KLHL4: variants seen among roughly 807,000 people sequenced by gnomAD.
KLHL4 encodes kelch like family member 4.
KLHL4 carries 17 observed loss-of-function variants against 45.8 expected under a neutral mutation model. That is an observed-to-expected ratio of 0.37 (90% CI 0.25 to 0.56). The LOEUF (loss-of-function observed/expected upper bound fraction) is 0.56, where lower values mean the gene tolerates loss of function less well. KLHL4 is among the 20% of genes least tolerant of loss of function. The pLI, the probability that KLHL4 is intolerant of heterozygous loss-of-function variation, is 0.79. For missense variants in KLHL4, 544 were observed against 544.9 expected (o/e 1.00, Z 0.02); for synonymous variants, 224 against 189.9 (o/e 1.18, Z -1.47).
At chrX:87,576,862 T>C (rs1008101089) in intron 1 of KLHL4, among the ~76,000 whole-genome samples, 3 of 111,726 alleles carry the variant, frequency 2.7e-5, no homozygotes, top group African/African-American at 6.5e-5. Context: ...ACTTACCAAA[T>C]ATATAGAAAA....
chrX:87,627,962 A>G (rs115305841), intron 6 of KLHL4, among the ~76,000 whole-genome samples: 1 of 111,491 alleles, frequency 9.0e-6, no homozygotes, highest in Non-Finnish European at 1.9e-5. Context: ...ATCAGTCTCT[A>G]AAAATGAGTG....
intron 1 of KLHL4, among the ~76,000 whole-genome samples, chrX:87,612,643 A>G (rs935317605): frequency 8.9e-6 from 1 of 112,056 alleles, no homozygotes; most frequent in Non-Finnish European, 1.9e-5. Context: ...ATTTTACGCT[A>G]TAATCACATG....
chrX:87,541,672 C>T (rs1931563514), intron 1 of KLHL4, among the ~76,000 whole-genome samples: 2 of 110,503 alleles, frequency 1.8e-5, no homozygotes, highest in Admixed American at 1.9e-4. Context: ...TATGAATTAC[C>T]CAGTCTCTGA....
chrX:87,638,895 A>G (rs371061730), intron 9 of KLHL4, among the ~76,000 whole-genome samples: 31 of 111,903 alleles, frequency 2.8e-4, no homozygotes, highest in African/African-American at 9.4e-4. Context: ...TAAAAGATGT[A>G]GAATGGCAAA....
At position 87,560,901 on chromosome X, in the gene KLHL4, G is replaced by A. The variant is rs759148869; in HGVS notation, c.422+42586G>A. Among the ~76,000 whole-genome samples the A allele has an allele frequency of 1.1e-4, 12 of 111,623 alleles. No individual in the cohort carries two copies. The East Asian group carries it at 2.3e-3, about 21-fold the overall frequency. On this transcript the variant is annotated intron_variant, in intron 1 of 10. Transcript: ENST00000373119. Reference sequence around the variant, plus strand: ...TTGTAAATAGTGCTACAATAAACATGTAAGTGCTGATATTCCTTTAAAAGC... The same window carrying A: ...TTGTAAATAGTGCTACAATAAACATATAAGTGCTGATATTCCTTTAAAAGC...
chrX:87,665,148 C>A (rs1007284247), intron 10 of KLHL4, among the ~76,000 whole-genome samples: 1 of 111,071 alleles, frequency 9.0e-6, no homozygotes. Context: ...GACCCATCAA[C>A]TTATAACCCA....
At chrX:87,657,814 AT>A (rs894818469) in intron 9 of KLHL4, among the ~76,000 whole-genome samples, 6 of 111,688 alleles carry the variant, frequency 5.4e-5, no homozygotes, top group African/African-American at 2.0e-4. Flanking sequence ...ATGGGGTAAA[AT>A]TTTGATGGGG....
intron 1 of KLHL4, among the ~76,000 whole-genome samples, chrX:87,526,938 C>T (rs1202058230): frequency 1.8e-5 from 2 of 111,629 alleles, no homozygotes; most frequent in Admixed American, 9.5e-5. Flanking sequence ...AGGTTCCATT[C>T]ACTTTCCTCA....
At chrX:87,593,035 A>AT (rs1209312662) in intron 1 of KLHL4, among the ~76,000 whole-genome samples, 3 of 110,907 alleles carry the variant, frequency 2.7e-5, no homozygotes, top group African/African-American at 9.8e-5. Flanking sequence ...TTTGTTCTCC[A>AT]TTTTTTCTGA....
chrX:87,607,929 A>G (rs777252318), intron 1 of KLHL4, among the ~76,000 whole-genome samples: 1 of 111,512 alleles, frequency 9.0e-6, no homozygotes, highest in East Asian at 2.8e-4. Context: ...CCTTAATGCC[A>G]GAGTCACAAA....
intron 1 of KLHL4, among the ~76,000 whole-genome samples, chrX:87,565,685 CAAAAAAAAAAAAAAAAA>C (rs748577568): frequency 3.8e-5 from 1 of 26,260 alleles, no homozygotes; most frequent in Non-Finnish European, 6.3e-5. Flanking sequence ...GTGATTGTGC[CAAAAAAAAAAAAAAAAA>C]AAAAAAAAAA....
intron 9 of KLHL4, among the ~76,000 whole-genome samples, chrX:87,642,503 T>A (rs1455771529): frequency 1.8e-5 from 2 of 111,627 alleles, no homozygotes; most frequent in Non-Finnish European, 3.8e-5. Flanking sequence ...AACACCCCCC[T>A]AAAGAATCAC....
chrX:87,563,154 A>G (rs908473454), intron 1 of KLHL4, among the ~76,000 whole-genome samples: 1 of 111,119 alleles, frequency 9.0e-6, no homozygotes, highest in Non-Finnish European at 1.9e-5. Context: ...CTTCTCAAGA[A>G]GGACAAGAGC....
chrX:87,580,071 A>G lies in KLHL4; in HGVS notation c.423-33806A>G, dbSNP rs184573190. The stretch of plus-strand genomic sequence containing the variant: ...GTAAAAGATACAAATTGTGACATCA[A>G]AAACATAAAGTGTGTAGAAAGAGAA... On this transcript the variant is annotated intron_variant, in intron 1 of 10. Transcript: ENST00000373119. 8.0e-3 allele frequency among the ~76,000 whole-genome samples: 898 copies of G among 112,135 alleles called. 8 individuals are homozygous for G. The highest frequency in any genetic ancestry group is 0.032 in the South Asian group (86 of 2,704).
chrX:87,626,110 C>T (rs1291767249), intron 6 of KLHL4, among the ~76,000 whole-genome samples: 4 of 111,869 alleles, frequency 3.6e-5, no homozygotes, highest in Non-Finnish European at 7.5e-5. Flanking sequence ...GTATGTGAGA[C>T]AGGTCTCAAT....
At chrX:87,530,904 CT>C (rs1931255559) in intron 1 of KLHL4, among the ~76,000 whole-genome samples, 1 of 110,227 alleles carries the variant, frequency 9.1e-6, no homozygotes, top group Non-Finnish European at 1.9e-5. Flanking sequence ...AAAAGTGTTC[CT>C]TTTTCTCCAC....
intron 9 of KLHL4, among the ~76,000 whole-genome samples, chrX:87,657,276 C>T (rs1004471085): frequency 8.9e-6 from 1 of 112,120 alleles, no homozygotes; most frequent in Non-Finnish European, 1.9e-5. Context: ...GCCTGTGGAA[C>T]ACCCAGTGGC....
At chrX:87,600,063 C>A (rs1466596464) in intron 1 of KLHL4, among the ~76,000 whole-genome samples, 1 of 111,756 alleles carries the variant, frequency 8.9e-6, no homozygotes, top group Non-Finnish European at 1.9e-5. Context: ...GAGATGGAAT[C>A]CTCAGTGCTG....
At chrX:87,578,264 T>G (rs990279760) in intron 1 of KLHL4, among the ~76,000 whole-genome samples, 45 of 111,828 alleles carry the variant, frequency 4.0e-4, no homozygotes, top group Non-Finnish European at 6.2e-4. Context: ...TAAATTAAAA[T>G]AAAATATATT....
Sources: gnomAD v4.1 joint callset for allele counts (sites outside exome capture counted in the v4.1 genomes callset) on GRCh38, gnomAD v4.1.1 for gene constraint, MANE v1.5 for transcripts, NCBI Gene and HGNC (gene_info 2026-07-23, HGNC 2026-07-21) for gene names.